The following SOX6 variants were observed in gnomAD, a reference collection of about 807,000 sequenced individuals.
SOX6 encodes transcription factor SOX-6.
Under a neutral mutation model 97.8 loss-of-function variants are expected in SOX6, and 11 were observed. The observed-to-expected ratio is 0.11, with a 90% CI of 0.07 to 0.19. The LOEUF is 0.19. Ranked by LOEUF, SOX6 falls within the 10% of genes least tolerant of loss-of-function variation. The pLI is 1.00. For synonymous variants in SOX6, 360 were observed against 371.4 expected (o/e 0.97, Z 0.35); for missense variants, 810 against 1,039.5 (o/e 0.78, Z 3.04).
chr11:16,277,154 T>C (rs1316762201), intron 3 of SOX6, among the ~76,000 whole-genome samples: 1 of 152,112 alleles, frequency 6.6e-6, no homozygotes, highest in Non-Finnish European at 1.5e-5. Context: ...TCCCCCAGAA[T>C]TCATATGCTG....
At position 16,607,744 on chromosome 11, in the gene SOX6, T is replaced by C. The variant is rs1848351514; in HGVS notation, n.609+4337A>G. The C allele has an allele frequency of 6.6e-6, 1 of 152,544 alleles. No individual in the cohort carries two copies. The highest frequency in any genetic ancestry group is 1.5e-5 in the Non-Finnish European group (1 of 68,308). The allele number at this position is 152,544 out of a possible 1,614,324, so 9.4% of individuals were successfully genotyped here. ...TAAGTATTCAAAGCATTTCCCGTCG[T>C]GCAACATCAGAAAGTGAGTGGCCAG... On this transcript the variant is annotated intron_variant and non_coding_transcript_variant, in intron 4 of 5. Coordinates refer to the SOX6 transcript ENST00000524520. The surrounding 1 kb of genome is among the most constrained non-coding windows in gnomAD (Gnocchi z 6.5).
At chr11:16,388,859 T>G (rs1411098293) in intron 1 of SOX6, among the ~76,000 whole-genome samples, 5 of 152,192 alleles carry the variant, frequency 3.3e-5, no homozygotes, top group African/African-American at 1.2e-4. Context: ...TTTGCATTTA[T>G]CTTGCTTGGA....
chr11:16,338,861 C>A lies in SOX6; in HGVS notation c.237+2151G>T, dbSNP rs370260549. ...ATATTTTTAAGACAAAATTTTAGAT[C>A]ATAAAAGTTTGATAATAACCCACCA... On this transcript the variant is annotated intron_variant, in intron 2 of 15. Transcript: ENST00000683767. Among the ~76,000 whole-genome samples, 26 of 151,930 alleles carry A rather than the reference C, an allele frequency of 1.7e-4. No homozygotes were observed. In the South Asian group the frequency reaches 2.1e-3, roughly 12 times the overall value.
intron 4 of SOX6, among the ~76,000 whole-genome samples, chr11:16,532,366 TCC>T (rs1337787970): frequency 6.6e-6 from 1 of 151,902 alleles, no homozygotes; most frequent in Non-Finnish European, 1.5e-5. Flanking sequence ...TGGCTTATAG[TCC>T]TATGACTTTA....
chr11:16,406,120 C>G (rs953780251), intron 1 of SOX6, among the ~76,000 whole-genome samples: 1 of 151,942 alleles, frequency 6.6e-6, no homozygotes, highest in Non-Finnish European at 1.5e-5. Context: ...TCTAGAATTC[C>G]GCACAGAGGA....
chr11:16,321,483 T>A (rs566836666), intron 2 of SOX6, among the ~76,000 whole-genome samples: 1 of 138,346 alleles, frequency 7.2e-6, no homozygotes, highest in East Asian at 1.9e-4. Flanking sequence ...AAGAGTACCA[T>A]TTTTTTTCTA....
At chr11:16,614,636 C>G (rs994333132) in intron 3 of SOX6, among the ~76,000 whole-genome samples, 2 of 152,208 alleles carry the variant, frequency 1.3e-5, no homozygotes, top group Non-Finnish European at 2.9e-5. Flanking sequence ...TAAGAACCTC[C>G]TAGCTAAATC....
intron 7 of SOX6, among the ~76,000 whole-genome samples, chr11:16,098,408 T>C (rs1848856099): frequency 6.6e-6 from 1 of 151,852 alleles, no homozygotes; most frequent in Non-Finnish European, 1.5e-5. Context: ...ACTAAACACC[T>C]GGTAAAGAGT....
At position 16,026,222 on chromosome 11, in the gene SOX6, G is replaced by A. The variant is rs540877615; in HGVS notation, c.1624-11172C>T. Among the ~76,000 whole-genome samples, 7 of 152,252 alleles carry A rather than the reference G, an allele frequency of 4.6e-5. No homozygotes were observed. The East Asian group carries it at 1.4e-3, about 29-fold the overall frequency. On this transcript the variant is annotated intron_variant, in intron 12 of 15. Coordinates refer to ENST00000683767, the MANE Select transcript of SOX6 (RefSeq NM_001367873.1). ...TTTCTTTCTCTCTAAGATCTATACT[G>A]CAGCACACATTGATAAAATCACGCC...
intron 4 of SOX6, among the ~76,000 whole-genome samples, chr11:16,520,003 G>T (rs1373828428): frequency 6.6e-6 from 1 of 151,956 alleles, no homozygotes; most frequent in African/African-American, 2.4e-5. Context: ...TCTTCTTTTG[G>T]GAAGTGTCTG....
chr11:16,540,149 T>C (rs2133176673), intron 4 of SOX6, among the ~76,000 whole-genome samples: 1 of 152,314 alleles, frequency 6.6e-6, no homozygotes, highest in Non-Finnish European at 1.5e-5. Context: ...ATCCCTGGGA[T>C]GCAATGCTGG....
At chr11:16,168,287 C>T (rs777777137) in intron 6 of SOX6, among the ~76,000 whole-genome samples, 10 of 152,028 alleles carry the variant, frequency 6.6e-5, no homozygotes, top group South Asian at 4.2e-4. Context: ...GGAGTGATGA[C>T]GTCATTTATA....
At chr11:16,044,447 A>G (rs1855767211) in intron 12 of SOX6, among the ~76,000 whole-genome samples, 1 of 152,178 alleles carries the variant, frequency 6.6e-6, no homozygotes, top group Admixed American at 6.5e-5. Flanking sequence ...TTCCAGTTTA[A>G]TTGCACATTA....
chr11:16,490,470 T>A (rs1054130106), intron 4 of SOX6, among the ~76,000 whole-genome samples: 1 of 152,066 alleles, frequency 6.6e-6, no homozygotes, highest in Non-Finnish European at 1.5e-5. Context: ...TATGCCTTGA[T>A]AAAATTCTAT....
intron 1 of SOX6, among the ~76,000 whole-genome samples, chr11:16,386,734 T>C (rs570894916): frequency 1.3e-5 from 2 of 152,300 alleles, no homozygotes; most frequent in African/African-American, 4.8e-5. Flanking sequence ...ACCACTAATG[T>C]ATAGTCACCA....
At chr11:16,051,502 A>C in intron 10 of SOX6, among the ~76,000 whole-genome samples, 1 of 152,136 alleles carries the variant, frequency 6.6e-6, no homozygotes, top group Non-Finnish European at 1.5e-5. Flanking sequence ...GTTGCAATGT[A>C]CGTTTATGTA....
chr11:16,201,126 A>AG (rs1462492100), intron 4 of SOX6, among the ~76,000 whole-genome samples: 1 of 152,086 alleles, frequency 6.6e-6, no homozygotes, highest in East Asian at 1.9e-4. Flanking sequence ...AAAAAAAAAA[A>AG]AAAAATCCCT....
At chr11:16,694,263 C>T (rs1848036600) in intron 3 of SOX6, among the ~76,000 whole-genome samples, 1 of 152,170 alleles carries the variant, frequency 6.6e-6, no homozygotes, top group Non-Finnish European at 1.5e-5. Context: ...CATGGTAGCT[C>T]ACATCTGTAG....
At chr11:16,430,288 T>C (rs1859248696) in intron 1 of SOX6, among the ~76,000 whole-genome samples, 1 of 152,218 alleles carries the variant, frequency 6.6e-6, no homozygotes, top group African/African-American at 2.4e-5. Flanking sequence ...TCAATTCTTA[T>C]TATATTTGTT....
Sources: allele counts gnomAD v4.1 joint callset (sites outside exome capture counted in the v4.1 genomes callset), GRCh38; gene constraint gnomAD v4.1.1; non-coding constraint Gnocchi (gnomAD v3.1); transcripts MANE v1.5; gene names NCBI Gene and HGNC (gene_info 2026-07-23, HGNC 2026-07-21).